Variants in ZFPM2 observed in about 807,000 individuals in gnomAD.
The protein encoded by ZFPM2 is zinc finger protein ZFPM2.
Under a neutral mutation model 98.6 loss-of-function variants are expected in ZFPM2, and 20 were observed. The observed-to-expected ratio is 0.20, with a 90% confidence interval of 0.14 to 0.29. The LOEUF (loss-of-function observed/expected upper bound fraction) is 0.29, where lower values mean the gene tolerates loss of function less well. ZFPM2 is among the 10% of genes least tolerant of loss of function. The pLI is 1.00. For missense variants in ZFPM2, 1,310 were observed against 1,388.6 expected, an observed-to-expected ratio of 0.94 and a Z score of 0.90; for synonymous variants, 518 against 502.7, an observed-to-expected ratio of 1.03 and a Z score of -0.41.
At chr8:105,608,580 G>GTTTTTTTTTTTTTTTTTTT (rs397978197) in intron 4 of ZFPM2, among the ~76,000 whole-genome samples, 3 of 108,750 alleles carry the variant, frequency 2.8e-5, no homozygotes, top group Non-Finnish European at 3.7e-5. Flanking sequence ...AACACCAAGA[G>GTTTTTTTTTTTTTTTTTTT]TTTTTTTTTT....
chr8:105,534,667 G>GT lies in ZFPM2; in HGVS notation c.302-26695dup, dbSNP rs376277158. ...AAGGAACAGCTGAGCATTGTCCCTGGTACATACAGCAGCTCAGTGAAAATA... is the reference window on the plus strand; with the variant it reads ...AAGGAACAGCTGAGCATTGTCCCTGGTTACATACAGCAGCTCAGTGAAAATA... On this transcript the variant is annotated intron_variant, in intron 3 of 7. Coordinates refer to ENST00000407775, the MANE Select transcript of ZFPM2 (RefSeq NM_012082.4). Among the ~76,000 whole-genome samples the GT allele has an allele frequency of 8.5e-3, 1,297 of 152,204 alleles. 15 individuals carry two copies. The highest frequency in any genetic ancestry group is 0.013 in the Non-Finnish European group (858 of 68,012).
At chr8:105,745,807 T>A (rs1011327015) in intron 5 of ZFPM2, among the ~76,000 whole-genome samples, 3 of 152,150 alleles carry the variant, frequency 2.0e-5, no homozygotes, top group Non-Finnish European at 4.4e-5. Context: ...TCGCCCAGGC[T>A]GGAGTGCAGC....
At chr8:105,374,083 C>T (rs1339351456) in intron 1 of ZFPM2, among the ~76,000 whole-genome samples, 2 of 152,068 alleles carry the variant, frequency 1.3e-5, no homozygotes, top group African/African-American at 4.8e-5. Flanking sequence ...ATTCTCTTTC[C>T]CTTTTGGGTC....
intron 4 of ZFPM2, among the ~76,000 whole-genome samples, chr8:105,627,627 AC>A (rs2130828229): frequency 6.6e-6 from 1 of 152,322 alleles, no homozygotes; most frequent in Admixed American, 6.5e-5. Context: ...GCTGTATGCA[AC>A]CCTAATACTA....
At chr8:105,504,461 C>T (rs1276385943) in intron 3 of ZFPM2, among the ~76,000 whole-genome samples, 4 of 152,080 alleles carry the variant, frequency 2.6e-5, no homozygotes, top group Admixed American at 2.0e-4. Flanking sequence ...AAAGAGAAAT[C>T]GCAGAAGTGA....
chr8:105,770,378 T>G (rs1310771356), intron 5 of ZFPM2, among the ~76,000 whole-genome samples: 2 of 152,084 alleles, frequency 1.3e-5, no homozygotes, highest in African/African-American at 4.8e-5. Flanking sequence ...AATGCTTTTA[T>G]AAAAGAAGAA....
rs1188546369 is a variant in ZFPM2, at chr8:105,801,311, C to T, written c.1229C>T (p.Pro410Leu). ...SPSATEDSLQ[P>L]ATDLLTRSEL... The stretch of plus-strand genomic sequence containing the variant: ...AGTGCAACTGAAGACAGCTTACAGC[C>T]AGCCACAGACTTATTGACCAGAAGC... Residue 410 changes from proline (P) to leucine (L), a missense_variant, in exon 8 of 8, where the codon CCA (proline) becomes CTA (leucine). Transcript: ENST00000407775. 6.2e-7 allele frequency: 1 copy of T among 1,613,900 alleles called. No individual in the cohort carries two copies.
intron 5 of ZFPM2, among the ~76,000 whole-genome samples, chr8:105,669,762 G>T (rs2130901845): frequency 6.6e-6 from 1 of 152,180 alleles, no homozygotes; most frequent in East Asian, 1.9e-4. Flanking sequence ...TAGAAGCAAA[G>T]GTCTTGCAAG....
intron 5 of ZFPM2, among the ~76,000 whole-genome samples, chr8:105,749,546 A>G (rs1467961329): frequency 6.6e-6 from 1 of 152,020 alleles, no homozygotes; most frequent in Non-Finnish European, 1.5e-5. Context: ...TTCATGGTAT[A>G]TCCTGGTCAT....
At chr8:105,387,687 G>C (rs894209524) in intron 1 of ZFPM2, 1 of 156,636 alleles carries the variant, frequency 6.4e-6, no homozygotes, top group Admixed American at 6.5e-5. Flanking sequence ...ACACCTCCCC[G>C]CAAGCTGAGG....
intron 1 of ZFPM2, among the ~76,000 whole-genome samples, chr8:105,341,111 T>C (rs117133678): frequency 1.3e-5 from 2 of 151,988 alleles, no homozygotes; most frequent in East Asian, 3.9e-4. Flanking sequence ...AAAAAGCAGA[T>C]GTGTCAGAAA....
chr8:105,319,680 G>C (rs1811982686), intron 1 of ZFPM2: 1 of 152,344 alleles, frequency 6.6e-6, no homozygotes, highest in Non-Finnish European at 1.5e-5. Flanking sequence ...GCGGGGATTC[G>C]GGTGGTGTCT....
At chr8:105,774,885 C>T (rs2131097934) in intron 5 of ZFPM2, among the ~76,000 whole-genome samples, 1 of 152,024 alleles carries the variant, frequency 6.6e-6, no homozygotes, top group African/African-American at 2.4e-5. Context: ...GGAGAAACCT[C>T]TAAGTGCTTG....
chr8:105,465,591 A>G (rs545630709), intron 3 of ZFPM2, among the ~76,000 whole-genome samples: 1 of 152,144 alleles, frequency 6.6e-6, no homozygotes, highest in Non-Finnish European at 1.5e-5. Context: ...GTTGATATAT[A>G]TAGTTGAGCT....
intron 5 of ZFPM2, among the ~76,000 whole-genome samples, chr8:105,746,766 G>A (rs1482812189): frequency 2.1e-5 from 3 of 144,756 alleles, no homozygotes; most frequent in Admixed American, 7.3e-5. Context: ...AAAAACAGTT[G>A]CCTCTGTTTC....
intron 4 of ZFPM2, among the ~76,000 whole-genome samples, chr8:105,574,403 G>A (rs1334030623): frequency 6.6e-6 from 1 of 152,166 alleles, no homozygotes; most frequent in Non-Finnish European, 1.5e-5. Context: ...CTTTTTGTAG[G>A]GAGTTATTCT....
intron 1 of ZFPM2, among the ~76,000 whole-genome samples, chr8:105,389,552 A>G (rs906667666): frequency 6.6e-6 from 1 of 152,186 alleles, no homozygotes; most frequent in Non-Finnish European, 1.5e-5. Flanking sequence ...ATTCTACTAC[A>G]TTGTTATTCT....
chr8:105,479,169 C>G (rs972244485), intron 3 of ZFPM2, among the ~76,000 whole-genome samples: 8 of 151,954 alleles, frequency 5.3e-5, no homozygotes, highest in Non-Finnish European at 1.2e-4. Flanking sequence ...TTACATTGAC[C>G]CAATGCTACG....
At chr8:105,799,031 A>C in intron 7 of ZFPM2, 83 bp downstream of exon 7, 8 of 1,224,700 alleles carry the variant, frequency 6.5e-6, no homozygotes, top group Non-Finnish European at 9.2e-6. Context: ...GTATACGTCT[A>C]TATCTGTCTA....
Sources: gnomAD v4.1 joint callset for allele counts (sites outside exome capture counted in the v4.1 genomes callset) on GRCh38, gnomAD v4.1.1 for gene constraint, MANE v1.5 for transcripts, NCBI Gene and HGNC (gene_info 2026-07-23, HGNC 2026-07-21) for gene names.